RGPD3: variants seen among roughly 807,000 people sequenced by gnomAD.
The protein encoded by RGPD3 is ranBP2-like and GRIP domain-containing protein 3.
RGPD3 carries 62 observed loss-of-function variants against 154.5 expected under a neutral mutation model. That is an observed-to-expected ratio of 0.40 (90% CI 0.33 to 0.50). RGPD3 has a LOEUF of 0.50. Among genes scored for constraint, RGPD3 ranks in the 20% least tolerant of loss-of-function variants. The probability of loss-of-function intolerance (pLI) is 0.59; values close to 1 mark genes in which losing one functional copy is unlikely to be tolerated. For missense variants in RGPD3, 919 were observed against 1,716.8 expected (o/e 0.54, Z 8.21); for synonymous variants, 308 against 607.0 (o/e 0.51, Z 7.24).
intron 1 of RGPD3, among the ~76,000 whole-genome samples, chr2:106,462,719 T>C (rs1306692422): frequency 1.3e-5 from 2 of 152,202 alleles, no homozygotes; most frequent in Non-Finnish European, 2.9e-5. Context: ...AGTCTCGCTC[T>C]GTCACCCATC....
At chr2:106,463,186 GA>G (rs1241030590) in intron 1 of RGPD3, among the ~76,000 whole-genome samples, 1 of 147,778 alleles carries the variant, frequency 6.8e-6, no homozygotes, top group Non-Finnish European at 1.5e-5. Flanking sequence ...TCAAAATTGC[GA>G]AAAAAATTAT....
intron 3 of RGPD3, 81 bp from the exon 4 acceptor site, chr2:106,457,204 T>G (rs1678256486): frequency 6.6e-7 from 1 of 1,518,282 alleles, no homozygotes; most frequent in East Asian, 2.5e-5. Context: ...TATACTTATA[T>G]ATAAAGGTTA....
At chr2:106,466,168 G>T (rs1243633010) in intron 1 of RGPD3, among the ~76,000 whole-genome samples, 3 of 151,154 alleles carry the variant, frequency 2.0e-5, no homozygotes, top group Non-Finnish European at 2.9e-5. Context: ...GGGAACAAGC[G>T]TCGGGAACAA....
chr2:106,444,869 C>T (rs1677859607), intron 7 of RGPD3, among the ~76,000 whole-genome samples: 2 of 134,594 alleles, frequency 1.5e-5, no homozygotes, highest in Admixed American at 1.6e-4. Context: ...ACCTATAATC[C>T]CAGCACTCTG....
upstream of RGPD3, among the ~76,000 whole-genome samples, chr2:106,469,928 C>T (rs1204106268): frequency 1.3e-5 from 2 of 152,154 alleles, no homozygotes; most frequent in South Asian, 2.1e-4. Flanking sequence ...AATGCCCTGT[C>T]AATTGCATTC....
intron 20 of RGPD3, among the ~76,000 whole-genome samples, chr2:106,422,057 A>C (rs1677008020): frequency 6.6e-6 from 1 of 152,120 alleles, no homozygotes; most frequent in African/African-American, 2.4e-5. Flanking sequence ...TCTCATACTG[A>C]GAATGCTAGT....
chr2:106,469,319 A>C (rs1281695670), upstream of RGPD3, among the ~76,000 whole-genome samples: 1 of 150,148 alleles, frequency 6.7e-6, no homozygotes, highest in Admixed American at 6.7e-5. Flanking sequence ...TCAAAAAGGC[A>C]CTATTACCAG....
chr2:106,467,461 A>C (rs1289431013), intron 1 of RGPD3, among the ~76,000 whole-genome samples: 64 of 36,756 alleles, frequency 1.7e-3, no homozygotes, highest in Middle Eastern at 0.025. Flanking sequence ...CCGCCTCAAC[A>C]GAGCGCGCCA....
intron 21 of RGPD3, among the ~76,000 whole-genome samples, chr2:106,413,766 G>T (rs2104445888): frequency 6.6e-6 from 1 of 152,236 alleles, no homozygotes; most frequent in Admixed American, 6.5e-5. Flanking sequence ...AAGAGGAGAG[G>T]ATGCATCCTG....
chr2:106,413,884 T>G (rs1037186120), intron 21 of RGPD3, among the ~76,000 whole-genome samples: 187 of 152,250 alleles, frequency 1.2e-3, no homozygotes, highest in African/African-American at 4.3e-3. Context: ...ACTGGAGCCA[T>G]GGGTTGGTAC....
At chr2:106,451,037 C>T (rs1376622851) in intron 6 of RGPD3, among the ~76,000 whole-genome samples, 2 of 144,350 alleles carry the variant, frequency 1.4e-5, no homozygotes, top group African/African-American at 5.1e-5. Flanking sequence ...TACAGTGAGT[C>T]AAGGTCGTGC....
intron 1 of RGPD3, among the ~76,000 whole-genome samples, chr2:106,464,164 T>C (rs1186216366): frequency 1.3e-5 from 2 of 151,844 alleles, no homozygotes; most frequent in African/African-American, 4.8e-5. Flanking sequence ...GCTAACACGG[T>C]GAAACCCCGT....
At position 106,405,197 on chromosome 2, in the gene RGPD3, A is replaced by T. The variant is rs182011843; in HGVS notation, c.*22T>A. 1.9e-6 allele frequency: 3 copies of T among 1,610,192 alleles called. 1 individual carries two copies. The Admixed American group carries it at 5.1e-5, about 27-fold the overall frequency. On this transcript the variant is annotated 3_prime_UTR_variant, in exon 23 of 23. Coordinates refer to ENST00000409886, the MANE Select transcript of RGPD3 (RefSeq NM_001144013.2). ...AACCAACTACGAAGATAGGATGCCCATCCAGAAGAACGGGAAGCATTTTAT... is the reference window on the plus strand; with the variant it reads ...AACCAACTACGAAGATAGGATGCCCTTCCAGAAGAACGGGAAGCATTTTAT...
At chr2:106,468,117 C>T (rs1475512371) in intron 1 of RGPD3, 100 bp downstream of exon 1, 9 of 1,446,722 alleles carry the variant, frequency 6.2e-6, no homozygotes, top group African/African-American at 4.4e-5. Flanking sequence ...CAGCGCTCGT[C>T]GGGAGCCATG....
intron 1 of RGPD3, among the ~76,000 whole-genome samples, chr2:106,464,112 G>A (rs1203973930): frequency 5.9e-5 from 9 of 152,174 alleles, no homozygotes; most frequent in South Asian, 2.1e-4. Flanking sequence ...TTGGGAGGCT[G>A]AGGCAGGCGG....
At chr2:106,470,424 G>A (rs1015288948), upstream of RGPD3, among the ~76,000 whole-genome samples, 14 of 152,176 alleles carry the variant, frequency 9.2e-5, no homozygotes, top group Non-Finnish European at 1.6e-4. Flanking sequence ...TCAGAGATGA[G>A]GCTTTGATTT....
chr2:106,440,127 G>A (rs1677694093), intron 8 of RGPD3, among the ~76,000 whole-genome samples: 1 of 98,376 alleles, frequency 1.0e-5, no homozygotes, highest in Non-Finnish European at 2.1e-5. Context: ...GAGAGGTTTG[G>A]GTAAAATGGG....
intron 7 of RGPD3, among the ~76,000 whole-genome samples, chr2:106,442,497 GA>G (rs200777302): frequency 0.047 from 4,679 of 99,136 alleles, 263 homozygotes; most frequent in African/African-American, 0.092. Flanking sequence ...AATAACCTAT[GA>G]AAAAAAAAAA....
intron 18 of RGPD3, among the ~76,000 whole-genome samples, chr2:106,426,709 C>G (rs1394800734): frequency 1.3e-5 from 2 of 152,240 alleles, no homozygotes; most frequent in Admixed American, 6.5e-5. Context: ...AGAAGGCACC[C>G]CTGTTAATGA....
Sources: allele counts gnomAD v4.1 joint callset (sites outside exome capture counted in the v4.1 genomes callset), GRCh38; gene constraint gnomAD v4.1.1; transcripts MANE v1.5; gene names NCBI Gene and HGNC (gene_info 2026-07-23, HGNC 2026-07-21).